The following WNT2B variants were observed in gnomAD, a reference collection of about 807,000 sequenced individuals.
WNT2B encodes the protein protein Wnt-2b.
In WNT2B, 19 loss-of-function variants were observed where a neutral mutation model predicts 40.5. That is an observed-to-expected ratio of 0.47 (90% CI 0.33 to 0.69). The LOEUF (loss-of-function observed/expected upper bound fraction) is 0.69, where lower values mean the gene tolerates loss of function less well. Ranked by LOEUF, WNT2B falls within the 30% of genes least tolerant of loss-of-function variation. WNT2B has a pLI of 0.02. For synonymous variants in WNT2B, 220 were observed against 211.9 expected, an observed-to-expected ratio of 1.04 and a Z score of -0.33; for missense variants, 467 against 556.4, an observed-to-expected ratio of 0.84 and a Z score of 1.62.
At chr1:112,513,311 G>A (rs183087933) in intron 1 of WNT2B, among the ~76,000 whole-genome samples, 3 of 152,284 alleles carry the variant, frequency 2.0e-5, no homozygotes. Flanking sequence ...TGTCTGGGGT[G>A]TTTATTTTGT....
chr1:112,500,344 T>A (rs1557915604), intron 1 of WNT2B, among the ~76,000 whole-genome samples: 1 of 152,220 alleles, frequency 6.6e-6, no homozygotes, highest in Non-Finnish European at 1.5e-5. Flanking sequence ...CTTTTCATGC[T>A]TTTTGTTTTG....
intron 1 of WNT2B, among the ~76,000 whole-genome samples, chr1:112,497,858 A>G (rs538679272): frequency 6.6e-6 from 1 of 151,780 alleles, no homozygotes; most frequent in South Asian, 2.1e-4. Context: ...GCCATGTAGT[A>G]CCCCGAGCAC....
Position 112,509,436 on chromosome 1 carries a change from G to A in WNT2B, c.174G>A (p.Thr58=), listed in dbSNP as rs2101082052. The change falls in exon 1 of 5, where the codon ACG becomes ACA. Residue 58 remains threonine (T), a synonymous_variant. Transcript: ENST00000369684. The surrounding 1 kb of genome is among the most constrained non-coding windows in gnomAD (Gnocchi z 4.2). ...TGACGCTGCCGGCCCGCGTAGACAC[G>A]TCCTGGTGGTAAGTGTGGCTCTCAG... ...LLLTLPARVD[T]SWWYIGALGA... is the part of the protein sequence containing the mutation. 1 of 1,589,234 alleles carries A rather than the reference G, an allele frequency of 6.3e-7. No individual in the cohort carries two copies.
At chr1:112,508,906 C>T (rs1350631988), upstream of WNT2B, 79 of 1,068,704 alleles carry the variant, frequency 7.4e-5, no homozygotes, top group Non-Finnish European at 8.8e-5. The surrounding 1 kb of genome is among the most constrained non-coding windows in gnomAD (Gnocchi z 4.2). Context: ...CGCGCGTGTC[C>T]CCGGCCTCGG....
At chr1:112,501,485 T>G (rs1651948883) in intron 1 of WNT2B, among the ~76,000 whole-genome samples, 1 of 152,230 alleles carries the variant, frequency 6.6e-6, no homozygotes, top group African/African-American at 2.4e-5. Context: ...TATAGGAAAT[T>G]TGTCTCTTCT....
intron 1 of WNT2B, among the ~76,000 whole-genome samples, chr1:112,474,438 A>G (rs930505901): frequency 6.6e-6 from 1 of 152,218 alleles, no homozygotes; most frequent in African/African-American, 2.4e-5. Flanking sequence ...GTAAGCCACC[A>G]TGCCTGGCCA....
At chr1:112,501,061 G>A (rs189842043) in intron 1 of WNT2B, among the ~76,000 whole-genome samples, 3 of 152,160 alleles carry the variant, frequency 2.0e-5, no homozygotes, top group South Asian at 4.1e-4. Flanking sequence ...CTCCTTAGGC[G>A]CCTCTTGGCT....
chr1:112,495,604 A>G (rs1489204271), intron 1 of WNT2B, among the ~76,000 whole-genome samples: 2 of 151,990 alleles, frequency 1.3e-5, no homozygotes, highest in Non-Finnish European at 2.9e-5. Flanking sequence ...AAAAAAAAAA[A>G]ATCCAGCTAT....
At chr1:112,490,369 C>T (rs537211483) in intron 1 of WNT2B, among the ~76,000 whole-genome samples, 15 of 152,230 alleles carry the variant, frequency 9.9e-5, no homozygotes, top group Middle Eastern at 3.4e-3. Flanking sequence ...AGAAAGGCTT[C>T]TTAGGGATTC....
At chr1:112,519,201 A>G (rs940069195) in intron 4 of WNT2B, among the ~76,000 whole-genome samples, 11 of 152,178 alleles carry the variant, frequency 7.2e-5, no homozygotes, top group African/African-American at 2.7e-4. Flanking sequence ...TATCATTAAA[A>G]CAATTTGAGC....
At chr1:112,472,436 C>G (rs925109802) in intron 1 of WNT2B, among the ~76,000 whole-genome samples, 7 of 151,620 alleles carry the variant, frequency 4.6e-5, no homozygotes, top group African/African-American at 1.7e-4. Context: ...TTCTCATTAG[C>G]GAAAAATGAA....
chr1:112,525,869 A>G lies in WNT2B; in HGVS notation c.*5360A>G. On this transcript the variant is annotated 3_prime_UTR_variant, in exon 5 of 5. Coordinates refer to ENST00000369684, the MANE Select transcript of WNT2B (RefSeq NM_024494.3). The stretch of plus-strand genomic sequence containing the variant: ...GGTTTGCCTAGGAATAACAATATTC[A>G]TAAGAAGCTTTTTCATATGCAAAAT... The G allele has an allele frequency of 8.6e-7, 1 of 1,160,648 alleles. No individual in the cohort carries two copies. The highest frequency in any genetic ancestry group is 1.9e-5 in the South Asian group (1 of 51,860). 71.9% of individuals were successfully genotyped at this position (1,160,648 alleles called of 1,614,324 possible). A position where few individuals can be genotyped will look rare whatever the true frequency, so the allele number is the denominator to read the frequency against.
rs938334822 is a variant in WNT2B at position 112,526,289 on chromosome 1, C to T, written c.*5780C>T. 7.8e-6 allele frequency: 5 copies of T among 641,856 alleles called. No individual in the cohort carries two copies. The highest frequency in any genetic ancestry group is 1.3e-5 in the Non-Finnish European group (5 of 397,232). The allele number at this position is 641,856 out of a possible 1,614,324, so 39.8% of individuals were successfully genotyped here. On this transcript the variant is annotated 3_prime_UTR_variant, in exon 5 of 5. Transcript: ENST00000369684. Reference sequence around the variant, plus strand: ...CCACCAGTACCATGTGACCACTATACAACATATTCCACATTTAAACAACTC... The same window carrying T: ...CCACCAGTACCATGTGACCACTATATAACATATTCCACATTTAAACAACTC...
Position 112,516,288 on chromosome 1 carries a change from C to T in WNT2B, c.552C>T (p.Asp184=). The change falls in exon 3 of 5, where the codon GAC becomes GAT. Residue 184 remains aspartate (D), a synonymous_variant. Transcript: ENST00000369684. The part of the protein sequence containing the change: ...GRHHDQRGDF[D]WGGCSDNIHY... ...ACCATGACCAGCGTGGGGACTTTGA[C>T]TGGGGTGGCTGCAGTGACAACATCC... 6.2e-7 allele frequency: 1 copy of T among 1,614,074 alleles called. No homozygotes were observed. The highest frequency in any genetic ancestry group is 8.5e-7 in the Non-Finnish European group (1 of 1,180,022).
intron 1 of WNT2B, among the ~76,000 whole-genome samples, chr1:112,478,977 T>C (rs1316201241): frequency 6.6e-6 from 1 of 152,130 alleles, no homozygotes; most frequent in Non-Finnish European, 1.5e-5. Flanking sequence ...TCCCAGTACG[T>C]TGGGAGGCCA....
At chr1:112,468,483 A>G (rs1650774478) in intron 1 of WNT2B, among the ~76,000 whole-genome samples, 1 of 151,996 alleles carries the variant, frequency 6.6e-6, no homozygotes, top group South Asian at 2.1e-4. Flanking sequence ...CTTCTTTATA[A>G]TAGCCATTCT....
At chr1:112,514,793 G>A in intron 1 of WNT2B, 81 bp from the exon 2 acceptor site, 2 of 1,384,850 alleles carry the variant, frequency 1.4e-6, no homozygotes, top group Non-Finnish European at 2.0e-6. Flanking sequence ...AGGTCTGGAT[G>A]CTAAACGTAC....
At chr1:112,483,181 T>C (rs1330830910) in intron 1 of WNT2B, among the ~76,000 whole-genome samples, 3 of 141,132 alleles carry the variant, frequency 2.1e-5, no homozygotes, top group Non-Finnish European at 3.0e-5. Flanking sequence ...GCAACATAGA[T>C]ACACACACAC....
At chr1:112,502,782 G>A (rs1443504194) in intron 1 of WNT2B, among the ~76,000 whole-genome samples, 3 of 152,190 alleles carry the variant, frequency 2.0e-5, no homozygotes, top group Non-Finnish European at 4.4e-5. Flanking sequence ...AATGACTGGT[G>A]CAGTTTTAGA....
Sources: gnomAD v4.1 joint callset for allele counts (sites outside exome capture counted in the v4.1 genomes callset) on GRCh38, gnomAD v4.1.1 for gene constraint, Gnocchi (gnomAD v3.1) non-coding constraint, MANE v1.5 for transcripts, NCBI Gene and HGNC (gene_info 2026-07-23, HGNC 2026-07-21) for gene names.